HS3ST2: variants seen among roughly 807,000 people sequenced by gnomAD.
HS3ST2 encodes the protein heparan sulfate glucosamine 3-O-sulfotransferase 2.
A neutral mutation model predicts 26.3 loss-of-function variants in HS3ST2; 17 were observed. That is an observed-to-expected ratio of 0.65 (90% confidence interval 0.44 to 0.97). HS3ST2 has a LOEUF of 0.97. Ranked by LOEUF, HS3ST2 falls within the 50% of genes least tolerant of loss-of-function variation. The pLI is 0.00. For synonymous variants in HS3ST2, 237 were observed against 219.2 expected (o/e 1.08, Z -0.72); for missense variants, 402 against 501.2 (o/e 0.80, Z 1.89).
At chr16:22,885,604 C>T (rs560913706) in intron 1 of HS3ST2, among the ~76,000 whole-genome samples, 85 of 151,652 alleles carry the variant, frequency 5.6e-4, no homozygotes, top group East Asian at 9.7e-4. Flanking sequence ...TACAGGCGTG[C>T]GCCACCACGC....
At chr16:22,843,490 T>C (rs557896174) in intron 1 of HS3ST2, among the ~76,000 whole-genome samples, 58 of 152,244 alleles carry the variant, frequency 3.8e-4, no homozygotes, top group Non-Finnish European at 7.6e-4. Context: ...GACCTCCTAT[T>C]TGAGATTGAT....
intron 1 of HS3ST2, among the ~76,000 whole-genome samples, chr16:22,847,062 C>T (rs1455716688): frequency 6.6e-6 from 1 of 152,100 alleles, no homozygotes; most frequent in African/African-American, 2.4e-5. Context: ...AGTTGTTGTA[C>T]AGATTATTTC....
At chr16:22,875,107 T>C (rs1393472028) in intron 1 of HS3ST2, among the ~76,000 whole-genome samples, 1 of 152,078 alleles carries the variant, frequency 6.6e-6, no homozygotes, top group Non-Finnish European at 1.5e-5. Context: ...AGGCCTAGGG[T>C]AATGTGTGTG....
At chr16:22,822,699 C>CA (rs1191561755) in intron 1 of HS3ST2, among the ~76,000 whole-genome samples, 3 of 151,756 alleles carry the variant, frequency 2.0e-5, no homozygotes, top group Non-Finnish European at 2.9e-5. Context: ...ACTAAAAATA[C>CA]AAAAAATTAG....
chr16:22,856,960 G>A (rs181877552), intron 1 of HS3ST2, among the ~76,000 whole-genome samples: 4 of 152,106 alleles, frequency 2.6e-5, no homozygotes, highest in African/African-American at 7.2e-5. Flanking sequence ...CAGATGCTAC[G>A]TAATCTCAAT....
chr16:22,885,434 T>A (rs1361020230), intron 1 of HS3ST2, among the ~76,000 whole-genome samples: 1 of 151,828 alleles, frequency 6.6e-6, no homozygotes, highest in Non-Finnish European at 1.5e-5. Context: ...GGATCCCATT[T>A]AGTCCTCATT....
At chr16:22,867,147 A>ACTTTTAATTAC (rs1901768915) in intron 1 of HS3ST2, among the ~76,000 whole-genome samples, 1 of 152,210 alleles carries the variant, frequency 6.6e-6, no homozygotes, top group African/African-American at 2.4e-5. Flanking sequence ...AGTTTACTAT[A>ACTTTTAATTAC]TGGCAAGGTG....
chr16:22,864,296 A>T (rs991601653), intron 1 of HS3ST2, among the ~76,000 whole-genome samples: 1 of 152,238 alleles, frequency 6.6e-6, no homozygotes, highest in Non-Finnish European at 1.5e-5. Context: ...TATTCAAATT[A>T]GATAAGGCAG....
At chr16:22,851,119 C>A (rs1470111550) in intron 1 of HS3ST2, among the ~76,000 whole-genome samples, 1 of 152,142 alleles carries the variant, frequency 6.6e-6, no homozygotes, top group Non-Finnish European at 1.5e-5. Flanking sequence ...TGCAGGACAT[C>A]TTATAACTTG....
Position 22,814,224 on chromosome 16 carries a change from C to G in HS3ST2, c.-387C>G, listed in dbSNP as rs1447189147. ...CGCCACCGTCCGGTCCACCCGCCAG[C>G]CCGCACAGCCGCGCCGCCGCCGAGC... On this transcript the variant is annotated 5_prime_UTR_variant, in exon 1 of 2. Transcript: ENST00000261374. 5.4e-6 allele frequency: 1 copy of G among 185,646 alleles called. No homozygotes were observed. The highest frequency in any genetic ancestry group is 1.1e-5 in the Non-Finnish European group (1 of 90,858). The allele number at this position is 185,646 out of a possible 1,614,324, so 11.5% of individuals were successfully genotyped here.
chr16:22,815,902 AG>A (rs1900860184), intron 1 of HS3ST2, among the ~76,000 whole-genome samples: 2 of 152,270 alleles, frequency 1.3e-5, no homozygotes, highest in Non-Finnish European at 2.9e-5. Flanking sequence ...CTTCTAAACC[AG>A]CAGCCAAAAT....
chr16:22,861,711 T>C (rs1256018900), intron 1 of HS3ST2, among the ~76,000 whole-genome samples: 1 of 152,086 alleles, frequency 6.6e-6, no homozygotes, highest in African/African-American at 2.4e-5. Context: ...ACAATGCACA[T>C]CTCTTATTGT....
At chr16:22,912,959 C>T (rs1167102862) in intron 1 of HS3ST2, among the ~76,000 whole-genome samples, 1 of 152,026 alleles carries the variant, frequency 6.6e-6, no homozygotes, top group Non-Finnish European at 1.5e-5. Context: ...CCGCCTCCTA[C>T]CTCATTAGGA....
At chr16:22,815,140 T>C in intron 1 of HS3ST2, 45 bp downstream of exon 1, 6 of 1,600,318 alleles carry the variant, frequency 3.7e-6, no homozygotes, top group Non-Finnish European at 5.1e-6. Context: ...CTCTGATCGC[T>C]TCCATTGGGA....
intron 1 of HS3ST2, among the ~76,000 whole-genome samples, chr16:22,853,177 C>T (rs1901541024): frequency 6.6e-6 from 1 of 151,944 alleles, no homozygotes; most frequent in African/African-American, 2.4e-5. Context: ...CTCAGAAAGC[C>T]CCCCATGCAC....
At chr16:22,910,019 A>G (rs545275087) in intron 1 of HS3ST2, among the ~76,000 whole-genome samples, 5 of 148,552 alleles carry the variant, frequency 3.4e-5, no homozygotes, top group Admixed American at 2.0e-4. Context: ...CCTGGGCAAC[A>G]AGAGCAAAAC....
chr16:22,818,890 CT>C (rs1303379159), intron 1 of HS3ST2, among the ~76,000 whole-genome samples: 1 of 14,400 alleles, frequency 6.9e-5, no homozygotes, highest in African/African-American at 5.6e-4. Context: ...TCCTTCATTC[CT>C]TCCTTCCTTC....
chr16:22,827,283 G>A (rs1186385239), intron 1 of HS3ST2, among the ~76,000 whole-genome samples: 2 of 152,178 alleles, frequency 1.3e-5, no homozygotes, highest in East Asian at 1.9e-4. Context: ...GAGAGGTAAC[G>A]GGGGCCGCCT....
At chr16:22,861,587 A>G (rs925367391) in intron 1 of HS3ST2, among the ~76,000 whole-genome samples, 1 of 152,116 alleles carries the variant, frequency 6.6e-6, no homozygotes, top group African/African-American at 2.4e-5. Flanking sequence ...ACATGGAGAC[A>G]TTGACAGTCA....
Sources: allele counts gnomAD v4.1 joint callset (sites outside exome capture counted in the v4.1 genomes callset), GRCh38; gene constraint gnomAD v4.1.1; transcripts MANE v1.5; gene names NCBI Gene and HGNC (gene_info 2026-07-23, HGNC 2026-07-21).